The following RAPGEF2 variants were observed in gnomAD, a reference collection of about 807,000 sequenced individuals.
RAPGEF2 encodes the protein PDZ domain containing guanine nucleotide exchange factor (GEF) 1.
In RAPGEF2, 54 loss-of-function variants were observed where a neutral mutation model predicts 186.7. That is an observed-to-expected ratio of 0.29 (90% CI 0.23 to 0.36). The LOEUF (loss-of-function observed/expected upper bound fraction) is 0.36. Ranked by LOEUF, RAPGEF2 falls within the 10% of genes least tolerant of loss-of-function variation. The probability of loss-of-function intolerance (pLI) is 1.00; values close to 1 mark genes in which losing one functional copy is unlikely to be tolerated. For synonymous variants in RAPGEF2, 712 were observed against 705.9 expected (o/e 1.01, Z -0.14); for missense variants, 1,532 against 2,045.0 (o/e 0.75, Z 4.84).
intron 3 of RAPGEF2, among the ~76,000 whole-genome samples, chr4:159,208,569 C>G (rs745471267): frequency 6.6e-6 from 1 of 152,112 alleles, no homozygotes; most frequent in Non-Finnish European, 1.5e-5. Context: ...TTCCCAATAT[C>G]GTGGAAACAT....
chr4:159,342,642 G>A (rs746300683), intron 20 of RAPGEF2, among the ~76,000 whole-genome samples: 3 of 134,896 alleles, frequency 2.2e-5, no homozygotes, highest in Non-Finnish European at 4.7e-5. Context: ...TGCTCAGTCG[G>A]TTTTATCAAA....
chr4:159,294,299 A>G (rs959057424), intron 7 of RAPGEF2, among the ~76,000 whole-genome samples: 4 of 152,102 alleles, frequency 2.6e-5, no homozygotes, highest in Admixed American at 2.6e-4. Context: ...TCCATTGAGC[A>G]TTTCTTCAGT....
At chr4:159,122,038 CAAAAA>C (rs70962654) in intron 1 of RAPGEF2, among the ~76,000 whole-genome samples, 3 of 51,440 alleles carry the variant, frequency 5.8e-5, no homozygotes, top group Non-Finnish European at 3.5e-5. Context: ...GACTCCATCT[CAAAAA>C]AAAAAAAAAA....
chr4:159,235,297 G>A (rs552708920), intron 4 of RAPGEF2, among the ~76,000 whole-genome samples: 1 of 152,208 alleles, frequency 6.6e-6, no homozygotes, highest in African/African-American at 2.4e-5. Flanking sequence ...TACTTGTTGT[G>A]TAAGCATCTT....
chr4:159,135,265 C>T (rs201599045), intron 1 of RAPGEF2, among the ~76,000 whole-genome samples: 1 of 152,104 alleles, frequency 6.6e-6, no homozygotes, highest in Admixed American at 6.5e-5. Flanking sequence ...AAGCTCGTCT[C>T]GAACTTCTGG....
At chr4:159,282,185 T>C (rs1474335847) in intron 7 of RAPGEF2, among the ~76,000 whole-genome samples, 1 of 152,224 alleles carries the variant, frequency 6.6e-6, no homozygotes, top group Non-Finnish European at 1.5e-5. Context: ...TTAAATAGAA[T>C]GTTGATGGTG....
chr4:159,154,597 G>C (rs1743920200), intron 1 of RAPGEF2, among the ~76,000 whole-genome samples: 1 of 151,498 alleles, frequency 6.6e-6, no homozygotes, highest in African/African-American at 2.4e-5. Context: ...AAGATCAAAT[G>C]GTTAGTGATT....
At chr4:159,121,046 A>G (rs1402826003) in intron 1 of RAPGEF2, among the ~76,000 whole-genome samples, 1 of 151,854 alleles carries the variant, frequency 6.6e-6, no homozygotes, top group Non-Finnish European at 1.5e-5. Flanking sequence ...GTAGAGACAG[A>G]GTTTCACCGT....
At chr4:159,293,115 T>C (rs1761453293) in intron 7 of RAPGEF2, among the ~76,000 whole-genome samples, 1 of 152,190 alleles carries the variant, frequency 6.6e-6, no homozygotes, top group Admixed American at 6.5e-5. Context: ...TGTGCTTATA[T>C]ATTTTGTATA....
intron 8 of RAPGEF2, among the ~76,000 whole-genome samples, chr4:159,309,843 A>T (rs1005344473): frequency 6.6e-6 from 1 of 152,210 alleles, no homozygotes; most frequent in African/African-American, 2.4e-5. Context: ...GTAATATGTA[A>T]TAGAGGAAAC....
intron 8 of RAPGEF2, among the ~76,000 whole-genome samples, chr4:159,311,053 G>T (rs1176352323): frequency 1.3e-5 from 2 of 151,972 alleles, no homozygotes; most frequent in Non-Finnish European, 1.5e-5. Context: ...TTCTTGGTTG[G>T]TCACACCTGA....
intron 4 of RAPGEF2, among the ~76,000 whole-genome samples, chr4:159,215,814 CT>C (rs1750943394): frequency 6.6e-6 from 1 of 152,066 alleles, no homozygotes; most frequent in Non-Finnish European, 1.5e-5. Flanking sequence ...AGCTATTAGT[CT>C]AGGAATTTCC....
chr4:159,241,242 A>G lies in RAPGEF2; in HGVS notation c.399A>G (p.Gln133=), dbSNP rs1448547676. 6.5e-7 allele frequency: 1 copy of G among 1,532,152 alleles called. No homozygotes were observed. The highest frequency in any genetic ancestry group is 8.7e-7 in the Non-Finnish European group (1 of 1,144,778). The allele number at this position is 1,532,152 out of a possible 1,614,324, so 94.9% of individuals were successfully genotyped here. Residue 133 remains glutamine (Q), a synonymous_variant, in exon 6 of 30, where the codon CAA becomes CAG. Coordinates refer to ENST00000691494, the MANE Select transcript of RAPGEF2 (RefSeq NM_001394067.2). ...AAAATGAAGAATATTTTCAGCGGCA[A>G]GCTTCCCATAGACAGTCTCGAAGGA... ...MDENEEYFQR[Q]ASHRQSRRRF...
chr4:159,187,886 C>T (rs918617282), intron 2 of RAPGEF2, among the ~76,000 whole-genome samples: 44 of 152,152 alleles, frequency 2.9e-4, no homozygotes, highest in Admixed American at 2.8e-3. Context: ...TCTTTCAACA[C>T]TAATTAATTT....
intron 1 of RAPGEF2, among the ~76,000 whole-genome samples, chr4:159,106,151 T>G (rs150924673): frequency 6.6e-6 from 1 of 152,224 alleles, no homozygotes; most frequent in Non-Finnish European, 1.5e-5. Context: ...ACCCACGACA[T>G]GAAAGCTTTA....
chr4:159,350,390 C>T (rs1285459174), intron 26 of RAPGEF2, 101 bp downstream of exon 26: 2 of 1,017,138 alleles, frequency 2.0e-6, no homozygotes. Flanking sequence ...ACATTATAGT[C>T]ATTTAAGATG....
chr4:159,176,342 C>T (rs1746449714), intron 1 of RAPGEF2, among the ~76,000 whole-genome samples: 1 of 152,124 alleles, frequency 6.6e-6, no homozygotes, highest in Non-Finnish European at 1.5e-5. Flanking sequence ...TCAAAGACAG[C>T]ATTAGCCTTG....
At chr4:159,335,604 T>C (rs1308496626) in intron 17 of RAPGEF2, among the ~76,000 whole-genome samples, 1 of 151,940 alleles carries the variant, frequency 6.6e-6, no homozygotes, top group Non-Finnish European at 1.5e-5. Flanking sequence ...TCCCAGCACT[T>C]TGGGAGGCCG....
chr4:159,217,982 A>G (rs1751144600), intron 4 of RAPGEF2, among the ~76,000 whole-genome samples: 2 of 152,206 alleles, frequency 1.3e-5, no homozygotes, highest in African/African-American at 4.8e-5. Flanking sequence ...TATTTCATGT[A>G]AAGAGCTATA....
Sources: gnomAD v4.1 joint callset for allele counts (sites outside exome capture counted in the v4.1 genomes callset) on GRCh38, gnomAD v4.1.1 for gene constraint, MANE v1.5 for transcripts, NCBI Gene and HGNC (gene_info 2026-07-23, HGNC 2026-07-21) for gene names.